Variants in CNTNAP4 observed in about 807,000 individuals in gnomAD.
CNTNAP4 encodes contactin-associated protein-like 4.
CNTNAP4 carries 98 observed loss-of-function variants against 148.4 expected under a neutral mutation model. The observed-to-expected ratio is 0.66, with a 90% CI of 0.56 to 0.78. The LOEUF is 0.78. CNTNAP4 is among the 30% of genes least tolerant of loss of function. CNTNAP4 has a pLI of 0.00. For missense variants in CNTNAP4, 1,935 were observed against 1,565.6 expected, an observed-to-expected ratio of 1.24 and a Z score of -3.98; for synonymous variants, 730 against 565.1, an observed-to-expected ratio of 1.29 and a Z score of -4.14.
chr16:76,457,620 A>G (rs902010965), intron 8 of CNTNAP4, among the ~76,000 whole-genome samples: 6 of 152,252 alleles, frequency 3.9e-5, no homozygotes, highest in African/African-American at 1.2e-4. Flanking sequence ...CCTGCTACTC[A>G]AAGTATGGGT....
intron 7 of CNTNAP4, among the ~76,000 whole-genome samples, chr16:76,450,210 C>T (rs575364576): frequency 2.0e-5 from 3 of 152,052 alleles, no homozygotes; most frequent in East Asian, 1.9e-4. Context: ...GGTGCAGTGG[C>T]ATAATCTCGG....
rs1196827812 is a variant in CNTNAP4 at position 76,467,367 on chromosome 16, G to T, written c.1499G>T (p.Ser500Ile). The change falls in exon 10 of 24, where the codon AGC (serine) becomes ATC (isoleucine). Residue 500 changes from serine to isoleucine, a missense_variant. Physicochemically the swap from Ser to Ile is moderately radical, Grantham distance 142. Coordinates refer to ENST00000611870, the MANE Select transcript of CNTNAP4 (RefSeq NM_033401.5). ...TYYFGGCPDKSFGSKCKSPLG... is the reference protein window; with the variant it reads ...TYYFGGCPDKIFGSKCKSPLG... ...TTTTTATCAGGTTGTCCTGACAAAA[G>T]CTTTGGATCCAAATGTAAAAGTCCA... The T allele has an allele frequency of 6.2e-7, 1 of 1,613,714 alleles. No individual in the cohort carries two copies. Among genetic ancestry groups the T allele is most frequent in the Non-Finnish European group, 8.5e-7 (1 of 1,179,832 alleles).
intron 1 of CNTNAP4, among the ~76,000 whole-genome samples, chr16:76,313,685 A>T (rs1388796860): frequency 1.3e-5 from 2 of 152,214 alleles, no homozygotes; most frequent in Non-Finnish European, 1.5e-5. Context: ...AAAACGAGAC[A>T]ATCTTGAAAA....
In CNTNAP4 at chr16:76,426,471, A is replaced by C. The variant is rs186687392; in HGVS notation, c.391-981A>C. 4.6e-5 allele frequency among the ~76,000 whole-genome samples: 7 copies of C among 152,286 alleles called. No individual in the cohort carries two copies. In the East Asian group the frequency reaches 1.4e-3, roughly 29 times the overall value. On this transcript the variant is annotated intron_variant, in intron 3 of 23. Coordinates refer to ENST00000611870, the MANE Select transcript of CNTNAP4 (RefSeq NM_033401.5). ...GGAGAGGAGAAGGAGGACCATGACA[A>C]GGAAGGTGAGAAATAAAAATGAAAT...
chr16:76,513,190 G>C (rs2083096208), intron 15 of CNTNAP4, among the ~76,000 whole-genome samples: 1 of 152,166 alleles, frequency 6.6e-6, no homozygotes. Flanking sequence ...GGAGAACACA[G>C]GTGATGTTGC....
At position 76,326,283 on chromosome 16, in the gene CNTNAP4, C is replaced by T. The variant is rs147602185; in HGVS notation, c.196+9760C>T. ...CAGACTCTGCCTCAGAATGAGAATG[C>T]CTCCCCTCAGCTGGAATGTACATGT... On this transcript the variant is annotated intron_variant, in intron 2 of 23. Coordinates refer to ENST00000611870, the MANE Select transcript of CNTNAP4 (RefSeq NM_033401.5). Among the ~76,000 whole-genome samples the T allele has an allele frequency of 1.1e-4, 16 of 152,250 alleles. No individual in the cohort carries two copies. In the East Asian group the frequency reaches 1.9e-3, roughly 18 times the overall value.
At chr16:76,279,025 C>T (rs1958587084) in intron 1 of CNTNAP4, among the ~76,000 whole-genome samples, 3 of 152,138 alleles carry the variant, frequency 2.0e-5, no homozygotes. Flanking sequence ...TCTCATAAGT[C>T]AATAAAATGT....
At chr16:76,491,149 C>T (rs560955280) in intron 13 of CNTNAP4, among the ~76,000 whole-genome samples, 1 of 152,164 alleles carries the variant, frequency 6.6e-6, no homozygotes, top group Middle Eastern at 3.4e-3. Context: ...CCTCTTTCTC[C>T]TCCTCGTTTT....
chr16:76,314,023 T>C (rs1961431711), intron 1 of CNTNAP4, among the ~76,000 whole-genome samples: 2 of 152,352 alleles, frequency 1.3e-5, no homozygotes, highest in African/African-American at 2.4e-5. Context: ...ATGGATTTCA[T>C]GATACACATG....
At chr16:76,361,072 C>A (rs987947324) in intron 3 of CNTNAP4, among the ~76,000 whole-genome samples, 7 of 151,978 alleles carry the variant, frequency 4.6e-5, no homozygotes, top group Non-Finnish European at 8.8e-5. Flanking sequence ...GTCCGCCTGC[C>A]TCAACCTCCC....
chr16:76,475,176 CAA>C (rs35622245), intron 10 of CNTNAP4, among the ~76,000 whole-genome samples: 3 of 144,276 alleles, frequency 2.1e-5, no homozygotes, highest in African/African-American at 7.5e-5. Context: ...GCAGCTGTCT[CAA>C]AAAAAAAAAT....
At chr16:76,309,754 G>T (rs964206667) in intron 1 of CNTNAP4, 17 of 672,810 alleles carry the variant, frequency 2.5e-5, no homozygotes, top group Middle Eastern at 3.8e-4. Context: ...GGTTTGGGCG[G>T]AGGGGGTGGT....
intron 1 of CNTNAP4, among the ~76,000 whole-genome samples, chr16:76,278,995 T>G (rs1958585982): frequency 6.6e-6 from 1 of 152,232 alleles, no homozygotes; most frequent in East Asian, 1.9e-4. Context: ...GATTCAACTT[T>G]AGTTTGAGTG....
At position 76,478,857 on chromosome 16, in the gene CNTNAP4, A is replaced by C. The variant is rs1161145773; in HGVS notation, c.1763-562A>C. 2.0e-5 allele frequency among the ~76,000 whole-genome samples: 3 copies of C among 152,092 alleles called. No homozygotes were observed. The East Asian group carries it at 5.8e-4, about 29-fold the overall frequency. On this transcript the variant is annotated intron_variant, in intron 11 of 23. Transcript: ENST00000611870. Reference sequence around the variant, plus strand: ...GGAGTTTCTTTTGTAAATTACTTAAAATTATTGATGAGCTTTGTGAATCCC... The same window carrying C: ...GGAGTTTCTTTTGTAAATTACTTAACATTATTGATGAGCTTTGTGAATCCC...
At chr16:76,492,252 G>A (rs2082249875) in intron 13 of CNTNAP4, among the ~76,000 whole-genome samples, 1 of 152,074 alleles carries the variant, frequency 6.6e-6, no homozygotes, top group South Asian at 2.1e-4. Context: ...GTCGATTTTG[G>A]TATTCTCACC....
intron 19 of CNTNAP4, 72 bp from the exon 20 acceptor site, chr16:76,539,647 C>G (rs2084362969): frequency 4.8e-6 from 6 of 1,253,006 alleles, no homozygotes; most frequent in Middle Eastern, 2.7e-4. Flanking sequence ...CAAAAAATCA[C>G]TCTGATTTTT....
intron 14 of CNTNAP4, among the ~76,000 whole-genome samples, chr16:76,498,343 A>G (rs1005797537): frequency 6.6e-6 from 1 of 151,986 alleles, no homozygotes; most frequent in Non-Finnish European, 1.5e-5. Flanking sequence ...ATTGAGCCAA[A>G]ACTGTGCTAC....
chr16:76,512,618 A>G (rs1398657253), intron 15 of CNTNAP4, among the ~76,000 whole-genome samples: 1 of 152,204 alleles, frequency 6.6e-6, no homozygotes, highest in East Asian at 1.9e-4. Flanking sequence ...TTGAGATGTC[A>G]TTAAACATTC....
intron 17 of CNTNAP4, among the ~76,000 whole-genome samples, chr16:76,527,975 A>C (rs996906134): frequency 1.3e-5 from 2 of 152,154 alleles, no homozygotes; most frequent in Non-Finnish European, 2.9e-5. Flanking sequence ...TTTTTCCAGC[A>C]TTAAGTAGTT....
Sources: gnomAD v4.1 joint callset for allele counts (sites outside exome capture counted in the v4.1 genomes callset) on GRCh38, gnomAD v4.1.1 for gene constraint, MANE v1.5 for transcripts, NCBI Gene and HGNC (gene_info 2026-07-23, HGNC 2026-07-21) for gene names.